The following IFT140 variants were observed in gnomAD, a reference collection of about 807,000 sequenced individuals.
IFT140 encodes the protein intraflagellar transport protein 140 homolog.
A neutral mutation model predicts 164.6 loss-of-function variants in IFT140; 133 were observed. The observed-to-expected ratio is 0.81, with a 90% confidence interval of 0.70 to 0.93. IFT140 has a LOEUF of 0.93. Among genes scored for constraint, IFT140 ranks in the 40% least tolerant of loss-of-function variants. IFT140 has a pLI of 0.00. For missense variants in IFT140, 2,045 were observed against 1,972.3 expected (o/e 1.04, Z -0.70); for synonymous variants, 860 against 817.3 (o/e 1.05, Z -0.89).
At chr16:1,574,783 T>G (rs8060906) in intron 13 of IFT140, among the ~76,000 whole-genome samples, 39,758 of 151,506 alleles carry the variant, frequency 0.26, 5,840 homozygotes, top group African/African-American at 0.4. Context: ...CTCCCTCAGG[T>G]TCTCCATGGG....
Position 1,584,837 on chromosome 16 carries a change from A to G in IFT140, c.1156-417T>C, listed in dbSNP as rs186301732. Among the ~76,000 whole-genome samples, 426 of 152,348 alleles carry G rather than the reference A, an allele frequency of 2.8e-3. 1 individual carries two copies. Among genetic ancestry groups the G allele is most frequent in the Admixed American group, 4.6e-3 (70 of 15,308 alleles). ...TGAAATGTTGGTTTCATAATTTTATATTAAACTTCTAAATCTATCTAAAAA... is the reference window on the plus strand; with the variant it reads ...TGAAATGTTGGTTTCATAATTTTATGTTAAACTTCTAAATCTATCTAAAAA... On this transcript the variant is annotated intron_variant, in intron 10 of 30. Transcript: ENST00000426508.
At chr16:1,512,837 C>T (rs2040213370) in intron 30 of IFT140, 1 of 152,214 alleles carries the variant, frequency 6.6e-6, no homozygotes, top group South Asian at 2.1e-4. Context: ...TAGGATTAGA[C>T]TTGAGTTGTT....
At chr16:1,569,303 C>T (rs972227965) in intron 14 of IFT140, among the ~76,000 whole-genome samples, 3 of 152,048 alleles carry the variant, frequency 2.0e-5, no homozygotes, top group East Asian at 1.9e-4. Context: ...CCACCGCGCT[C>T]GGCCGTGGAA....
chr16:1,611,425 G>A (rs1265326267), intron 1 of IFT140, among the ~76,000 whole-genome samples: 3 of 151,976 alleles, frequency 2.0e-5, no homozygotes, highest in Non-Finnish European at 4.4e-5. Flanking sequence ...CTGAGCCCCG[G>A]GAGGCGGAGA....
chr16:1,548,393 G>A (rs2032351159), intron 19 of IFT140, among the ~76,000 whole-genome samples: 1 of 152,246 alleles, frequency 6.6e-6, no homozygotes, highest in Non-Finnish European at 1.5e-5. Context: ...AGGAAGGAAA[G>A]GAGAGGGGAA....
intron 20 of IFT140, chr16:1,526,344 C>A (rs1397448773): frequency 1.7e-6 from 1 of 587,874 alleles, no homozygotes; most frequent in African/African-American, 1.9e-5. Context: ...CCAGAAGTCC[C>A]GTGCTCAGCC....
intron 13 of IFT140, among the ~76,000 whole-genome samples, chr16:1,573,206 A>C (rs1048111311): frequency 6.6e-6 from 1 of 152,112 alleles, no homozygotes; most frequent in Non-Finnish European, 1.5e-5. Flanking sequence ...ATGCTTATGG[A>C]ATGAGCAAGT....
chr16:1,544,927 C>T (rs939366158), intron 19 of IFT140, among the ~76,000 whole-genome samples: 1 of 152,200 alleles, frequency 6.6e-6, no homozygotes, highest in Non-Finnish European at 1.5e-5. Flanking sequence ...GGATTACAAG[C>T]GTGAGCCACG....
At chr16:1,605,263 G>A (rs1473965121) in intron 3 of IFT140, among the ~76,000 whole-genome samples, 1 of 152,176 alleles carries the variant, frequency 6.6e-6, no homozygotes, top group Non-Finnish European at 1.5e-5. Flanking sequence ...TCACAGGAGT[G>A]TGGTACAGAC....
chr16:1,604,114 G>C (rs2035928895), intron 3 of IFT140, among the ~76,000 whole-genome samples: 1 of 152,302 alleles, frequency 6.6e-6, no homozygotes, highest in South Asian at 2.1e-4. Context: ...ATAGGCTCCT[G>C]CAAGGGAGAA....
chr16:1,590,770 A>C (rs2035139334), intron 6 of IFT140, among the ~76,000 whole-genome samples: 2 of 151,952 alleles, frequency 1.3e-5, no homozygotes, highest in African/African-American at 4.8e-5. Context: ...TTTTATTATT[A>C]ATTCTTTTTT....
intron 13 of IFT140, among the ~76,000 whole-genome samples, chr16:1,578,875 C>A (rs2034411742): frequency 6.6e-6 from 1 of 151,770 alleles, no homozygotes; most frequent in Non-Finnish European, 1.5e-5. Context: ...CCACACTCAG[C>A]CAATTTTTTT....
rs562878709 is a variant in IFT140, at chr16:1,537,150, A to G, written c.2400-10354T>C. On this transcript the variant is annotated intron_variant, in intron 19 of 30. Coordinates refer to ENST00000426508, the MANE Select transcript of IFT140 (RefSeq NM_014714.4). The stretch of plus-strand genomic sequence containing the variant: ...TGGGTGCTGGTTTGCTCACAATTCC[A>G]TCCCGAGAACCAGTCTAGGGTCGGG... 3.3e-3 allele frequency among the ~76,000 whole-genome samples: 506 copies of G among 152,234 alleles called. 1 individual carries two copies. The highest frequency in any genetic ancestry group is 5.7e-3 in the Non-Finnish European group (386 of 67,998).
At chr16:1,592,097 G>A (rs545173699) in intron 6 of IFT140, 79 bp downstream of exon 6, 58 of 1,479,824 alleles carry the variant, frequency 3.9e-5, no homozygotes, top group African/African-American at 8.4e-5. Context: ...ATGCAGAAAC[G>A]CCATCTGTGA....
chr16:1,540,270 T>G (rs2031505185), intron 19 of IFT140, among the ~76,000 whole-genome samples: 1 of 152,212 alleles, frequency 6.6e-6, no homozygotes, highest in Non-Finnish European at 1.5e-5. Flanking sequence ...CCAGATTGCA[T>G]TTCAATAAAT....
rs537840124 is a variant in IFT140 at position 1,538,066 on chromosome 16, A to G, written c.2400-11270T>C. Among the ~76,000 whole-genome samples, 9 of 152,312 alleles carry G rather than the reference A, an allele frequency of 5.9e-5. No homozygotes were observed. In the South Asian group the frequency reaches 1.0e-3, roughly 18 times the overall value. On this transcript the variant is annotated intron_variant, in intron 19 of 30. Transcript: ENST00000426508. ...CCACGCACACAGGCAGCACCCCAGG[A>G]ACCCGTATAACACCCAAGCAGTGAA...
At chr16:1,593,297 T>C (rs1391012193) in intron 4 of IFT140, among the ~76,000 whole-genome samples, 2 of 152,290 alleles carry the variant, frequency 1.3e-5, no homozygotes, top group East Asian at 1.9e-4. Flanking sequence ...TGCTATATTT[T>C]CAACTTTTTA....
intron 13 of IFT140, among the ~76,000 whole-genome samples, chr16:1,572,553 G>A (rs1315579770): frequency 1.3e-5 from 2 of 152,230 alleles, no homozygotes; most frequent in Non-Finnish European, 2.9e-5. Context: ...GGCTGAGGCA[G>A]GAGAATGGTG....
chr16:1,525,843 G>A, intron 21 of IFT140, 44 bp downstream of exon 21: 1 of 1,478,208 alleles, frequency 6.8e-7, no homozygotes, highest in Non-Finnish European at 9.0e-7. Flanking sequence ...ACAAGCCAGG[G>A]CCATCCAGAG....
Sources: allele counts gnomAD v4.1 joint callset (sites outside exome capture counted in the v4.1 genomes callset), GRCh38; gene constraint gnomAD v4.1.1; transcripts MANE v1.5; gene names NCBI Gene and HGNC (gene_info 2026-07-23, HGNC 2026-07-21).